Variants in ZBTB20 observed in about 807,000 individuals in gnomAD.
The protein encoded by ZBTB20 is zinc finger and BTB domain-containing protein 20.
ZBTB20 carries 9 observed loss-of-function variants against 56.9 expected under a neutral mutation model. The ratio of observed to expected loss-of-function variants is 0.16; its 90% CI spans 0.10 to 0.28. The LOEUF (loss-of-function observed/expected upper bound fraction) is 0.28, where lower values mean the gene tolerates loss of function less well. Among genes scored for constraint, ZBTB20 ranks in the 10% least tolerant of loss-of-function variants. ZBTB20 has a pLI of 1.00. For missense variants in ZBTB20, 655 were observed against 1,003.0 expected, an observed-to-expected ratio of 0.65 and a Z score of 4.69; for synonymous variants, 417 against 420.7, an observed-to-expected ratio of 0.99 and a Z score of 0.11.
intron 1 of ZBTB20, among the ~76,000 whole-genome samples, chr3:115,124,846 TAAG>T (rs1247337125): frequency 6.6e-6 from 1 of 152,036 alleles, no homozygotes; most frequent in Non-Finnish European, 1.5e-5. Flanking sequence ...GTGAATGATT[TAAG>T]AAAATTAAAA....
chr3:114,482,659 GATGT>G (rs2041690889), intron 7 of ZBTB20, among the ~76,000 whole-genome samples: 1 of 152,022 alleles, frequency 6.6e-6, no homozygotes, highest in Non-Finnish European at 1.5e-5. Flanking sequence ...CACATACATG[GATGT>G]ATGTGTGTGT....
rs566689103 is a variant in ZBTB20 at position 114,710,080 on chromosome 3, T to C, written c.-342-16505A>G. Among the ~76,000 whole-genome samples, 5 of 152,312 alleles carry C rather than the reference T, an allele frequency of 3.3e-5. No individual in the cohort carries two copies. The East Asian group carries it at 7.7e-4, about 23-fold the overall frequency. Reference sequence around the variant, plus strand: ...CCCTATTTCTACTCTTACATCAATATGAAACAATAATTTGTTTGTCTTACA... The same window carrying C: ...CCCTATTTCTACTCTTACATCAATACGAAACAATAATTTGTTTGTCTTACA... On this transcript the variant is annotated intron_variant, in intron 5 of 11. Coordinates refer to ENST00000675478, the MANE Select transcript of ZBTB20 (RefSeq NM_001348800.3).
chr3:114,717,706 T>G (rs540642199), intron 5 of ZBTB20, among the ~76,000 whole-genome samples: 1 of 152,268 alleles, frequency 6.6e-6, no homozygotes, highest in Admixed American at 6.6e-5. Context: ...TATTAGTTAT[T>G]ACCGTATCTT....
At chr3:114,485,919 T>C (rs1402695026) in intron 7 of ZBTB20, among the ~76,000 whole-genome samples, 1 of 152,090 alleles carries the variant, frequency 6.6e-6, no homozygotes, top group Admixed American at 6.6e-5. Flanking sequence ...GTCTCAGGTA[T>C]TTTGTTATAG....
At chr3:114,534,831 G>T (rs1414307593) in intron 6 of ZBTB20, among the ~76,000 whole-genome samples, 1 of 152,178 alleles carries the variant, frequency 6.6e-6, no homozygotes, top group Admixed American at 6.5e-5. Flanking sequence ...TCAAGATTAA[G>T]AAACTCACTC....
chr3:114,822,044 C>T (rs747860620), intron 4 of ZBTB20, among the ~76,000 whole-genome samples: 17 of 151,944 alleles, frequency 1.1e-4, no homozygotes, highest in Non-Finnish European at 1.5e-4. Context: ...TGAAAAAAAT[C>T]TCAGAAATAT....
chr3:114,644,508 CATTA>C (rs1269183392), intron 6 of ZBTB20, among the ~76,000 whole-genome samples: 1 of 152,094 alleles, frequency 6.6e-6, no homozygotes, highest in Non-Finnish European at 1.5e-5. Flanking sequence ...AAACGCTCAG[CATTA>C]CTAATCATCA....
At chr3:114,516,745 G>A (rs2046042109) in intron 6 of ZBTB20, among the ~76,000 whole-genome samples, 1 of 152,132 alleles carries the variant, frequency 6.6e-6, no homozygotes, top group African/African-American at 2.4e-5. Context: ...ATCATGTGAC[G>A]ATGACGGCAG....
At chr3:114,478,621 C>T (rs944426136) in intron 7 of ZBTB20, among the ~76,000 whole-genome samples, 5 of 152,124 alleles carry the variant, frequency 3.3e-5, no homozygotes, top group Non-Finnish European at 7.3e-5. Context: ...CACATATACA[C>T]ATTTAATAAC....
chr3:115,014,594 A>AT (rs1210678829), intron 2 of ZBTB20, among the ~76,000 whole-genome samples: 1 of 151,432 alleles, frequency 6.6e-6, no homozygotes, highest in East Asian at 2.0e-4. Context: ...ATAAATAAAT[A>AT]TTTTTATTGA....
intron 7 of ZBTB20, among the ~76,000 whole-genome samples, chr3:114,452,100 A>G (rs767277439): frequency 5.6e-4 from 85 of 152,130 alleles, no homozygotes; most frequent in Non-Finnish European, 6.5e-4. Context: ...GGGGTACCAA[A>G]TGAAAAATTA....
At chr3:114,930,223 G>A (rs114804752) in intron 3 of ZBTB20, among the ~76,000 whole-genome samples, 2,565 of 152,052 alleles carry the variant, frequency 0.017, 56 homozygotes, top group African/African-American at 0.058. Flanking sequence ...ACCAGGGCAC[G>A]GTACACTGAA....
intron 8 of ZBTB20, among the ~76,000 whole-genome samples, chr3:114,386,807 T>A (rs1273723463): frequency 6.6e-6 from 1 of 152,134 alleles, no homozygotes; most frequent in African/African-American, 2.4e-5. Context: ...AACATATGTG[T>A]TCTTCTCTCT....
intron 5 of ZBTB20, among the ~76,000 whole-genome samples, chr3:114,776,234 T>C (rs2069598035): frequency 6.6e-6 from 1 of 151,338 alleles, no homozygotes. Context: ...ACGTTCTAAC[T>C]CTTGGAGTCT....
At chr3:115,132,776 CA>C (rs150235427) in intron 1 of ZBTB20, among the ~76,000 whole-genome samples, 22 of 150,494 alleles carry the variant, frequency 1.5e-4, no homozygotes, top group African/African-American at 2.2e-4. Flanking sequence ...AAATAAAAGA[CA>C]AAAAAAAACC....
At chr3:115,009,832 T>C (rs2079623745) in intron 2 of ZBTB20, among the ~76,000 whole-genome samples, 1 of 151,948 alleles carries the variant, frequency 6.6e-6, no homozygotes. Flanking sequence ...CCTCACTAGA[T>C]GCCCAACACC....
intron 6 of ZBTB20, among the ~76,000 whole-genome samples, chr3:114,657,610 G>A (rs984023068): frequency 2.0e-5 from 3 of 152,276 alleles, no homozygotes; most frequent in South Asian, 4.1e-4. Flanking sequence ...GCCAATGCCA[G>A]CTCCATTCGC....
chr3:114,753,427 A>ACACACACG (rs1560209963), intron 5 of ZBTB20, among the ~76,000 whole-genome samples: 2 of 143,648 alleles, frequency 1.4e-5, no homozygotes, highest in African/African-American at 5.2e-5. Flanking sequence ...ATATATATAT[A>ACACACACG]TATATACACA....
chr3:114,463,566 C>T (rs1374620135), intron 7 of ZBTB20, among the ~76,000 whole-genome samples: 1 of 152,138 alleles, frequency 6.6e-6, no homozygotes, highest in African/African-American at 2.4e-5. Flanking sequence ...TACTATAACA[C>T]TGAAGAAAAC....
Sources: allele counts gnomAD v4.1 joint callset (sites outside exome capture counted in the v4.1 genomes callset), GRCh38; gene constraint gnomAD v4.1.1; transcripts MANE v1.5; gene names NCBI Gene and HGNC (gene_info 2026-07-23, HGNC 2026-07-21).